ARK2C: variants seen among roughly 807,000 people sequenced by gnomAD.
The protein encoded by ARK2C is arkadia (RNF111) C-terminal like ring finger ubiquitin ligase 2C, also known as E3 ubiquitin-protein ligase ARK2C.
chr18:46,394,508 TC>T, the ARK2C span, among the ~76,000 whole-genome samples: 2 of 151,886 alleles, frequency 1.3e-5, no homozygotes, highest in African/African-American at 4.8e-5. Flanking sequence ...TCCTCCACCT[TC>T]CCCCCAGCCA....
At chr18:46,337,082 G>A in the ARK2C span, 12 of 985,136 alleles carry the variant, frequency 1.2e-5, no homozygotes, top group African/African-American at 1.7e-4. Context: ...TCTGCTGCTC[G>A]CCAGCCAGAC....
At chr18:46,370,654 C>T in the ARK2C span, among the ~76,000 whole-genome samples, 1 of 152,168 alleles carries the variant, frequency 6.6e-6, no homozygotes, top group Non-Finnish European at 1.5e-5. Context: ...CCCCAGAATG[C>T]CCCATGCCAG....
At chr18:46,441,299 G>T in the ARK2C span, among the ~76,000 whole-genome samples, 1 of 152,056 alleles carries the variant, frequency 6.6e-6, no homozygotes, top group South Asian at 2.1e-4. Context: ...GACGCAGGCT[G>T]GTCTTACATG....
At chr18:46,422,191 A>G in the ARK2C span, among the ~76,000 whole-genome samples, 1 of 152,186 alleles carries the variant, frequency 6.6e-6, no homozygotes, top group East Asian at 1.9e-4. Context: ...TCTGGTGTGT[A>G]GTCAAGTAGT....
At chr18:46,334,670 C>CAGTG in the ARK2C span, 1 of 292,956 alleles carries the variant, frequency 3.4e-6, no homozygotes, top group Non-Finnish European at 5.8e-6. This position sits in a 1 kb window ranked among gnomAD's most constrained non-coding sequence, Gnocchi z 4.4. Flanking sequence ...AGATACATGA[C>CAGTG]CGTGTGTGTG....
At chr18:46,442,131 C>G in the ARK2C span, among the ~76,000 whole-genome samples, 1 of 148,568 alleles carries the variant, frequency 6.7e-6, no homozygotes, top group Admixed American at 6.7e-5. Context: ...CCACTGCGCT[C>G]CAGCCTGGGC....
chr18:46,370,224 A>G, the ARK2C span, among the ~76,000 whole-genome samples: 1 of 152,260 alleles, frequency 6.6e-6, no homozygotes. Context: ...TAAGGGGTTC[A>G]CATGATATCC....
the ARK2C span, among the ~76,000 whole-genome samples, chr18:46,449,503 A>C: frequency 6.6e-6 from 1 of 152,200 alleles, no homozygotes. Context: ...AGTGCAGAGT[A>C]GGAGTGATAT....
chr18:46,348,126 A>G, the ARK2C span, among the ~76,000 whole-genome samples: 1 of 151,504 alleles, frequency 6.6e-6, no homozygotes, highest in Non-Finnish European at 1.5e-5. Context: ...TGCGGCAGAC[A>G]TCCTGGGGAG....
chr18:46,450,341 C>G, the ARK2C span: 135 of 1,614,026 alleles, frequency 8.4e-5, no homozygotes, highest in Admixed American at 1.7e-5. Flanking sequence ...GCTTCACTTC[C>G]TTGCTCTCCA....
At chr18:46,376,009 C>A in the ARK2C span, among the ~76,000 whole-genome samples, 10 of 152,130 alleles carry the variant, frequency 6.6e-5, no homozygotes, top group Non-Finnish European at 1.0e-4. Flanking sequence ...CAGAGGGTGG[C>A]CTGAGGGTGA....
At chr18:46,336,569 C>T in the ARK2C span, 3 of 985,422 alleles carry the variant, frequency 3.0e-6, no homozygotes, top group Non-Finnish European at 3.6e-6. Context: ...AGGTCCTAAA[C>T]CACAATCTTC....
chr18:46,412,748 C>T, the ARK2C span, among the ~76,000 whole-genome samples: 2 of 152,184 alleles, frequency 1.3e-5, no homozygotes, highest in Non-Finnish European at 2.9e-5. Context: ...ACAAGGCCGC[C>T]TCGGGCAGGT....
At chr18:46,433,277 C>G in the ARK2C span, 1 of 1,611,000 alleles carries the variant, frequency 6.2e-7, no homozygotes, top group Non-Finnish European at 8.5e-7. Flanking sequence ...CAGCTCGCTC[C>G]CGACTTCCCG....
the ARK2C span, among the ~76,000 whole-genome samples, chr18:46,356,805 A>G: frequency 1.3e-5 from 2 of 152,106 alleles, no homozygotes; most frequent in African/African-American, 4.8e-5. Flanking sequence ...TCCTGCCTCA[A>G]TTCTAGATGT....
At chr18:46,403,133 T>C in the ARK2C span, among the ~76,000 whole-genome samples, 2 of 152,230 alleles carry the variant, frequency 1.3e-5, no homozygotes, top group Non-Finnish European at 2.9e-5. Flanking sequence ...CATCTAGGCC[T>C]GTGATATTTC....
chr18:46,446,483 C>A, the ARK2C span, among the ~76,000 whole-genome samples: 338 of 151,950 alleles, frequency 2.2e-3, 1 homozygote, highest in Non-Finnish European at 3.7e-3. Context: ...CCAGCCTGGA[C>A]AACATGGTGA....
the ARK2C span, among the ~76,000 whole-genome samples, chr18:46,343,079 C>T: frequency 6.6e-6 from 1 of 152,236 alleles, no homozygotes; most frequent in Non-Finnish European, 1.5e-5. Flanking sequence ...GCTGGCTTCG[C>T]ATGCACTCAA....
the ARK2C span, chr18:46,447,718 T>C: frequency 6.8e-6 from 11 of 1,614,014 alleles, no homozygotes; most frequent in East Asian, 2.5e-4. Context: ...CGGACTCCCT[T>C]GCGCCTATTG....
Sources: gnomAD v4.1 joint callset for allele counts (sites outside exome capture counted in the v4.1 genomes callset) on GRCh38, gnomAD v4.1.1 for gene constraint, Gnocchi (gnomAD v3.1) non-coding constraint, MANE v1.5 for transcripts, NCBI Gene and HGNC (gene_info 2026-07-23, HGNC 2026-07-21) for gene names.